The following GRID2 variants were observed in gnomAD, a reference collection of about 807,000 sequenced individuals.
The protein encoded by GRID2 is glutamate ionotropic receptor delta type subunit 2.
GRID2 carries 33 observed loss-of-function variants against 114.8 expected under a neutral mutation model. The ratio of observed to expected loss-of-function variants is 0.29; its 90% CI spans 0.22 to 0.38. The LOEUF is 0.38. Among genes scored for constraint, GRID2 ranks in the 10% least tolerant of loss-of-function variants. GRID2 has a pLI of 1.00. For synonymous variants in GRID2, 505 were observed against 449.9 expected, an observed-to-expected ratio of 1.12 and a Z score of -1.55; for missense variants, 1,184 against 1,257.7, an observed-to-expected ratio of 0.94 and a Z score of 0.89.
chr4:93,245,730 G>T (rs143192928), intron 8 of GRID2, among the ~76,000 whole-genome samples: 2 of 152,130 alleles, frequency 1.3e-5, no homozygotes, highest in Non-Finnish European at 2.9e-5. Flanking sequence ...AGCAAATTGA[G>T]TTTCAAGTTC....
At chr4:92,326,028 C>G (rs546926680) in intron 1 of GRID2, among the ~76,000 whole-genome samples, 1 of 151,592 alleles carries the variant, frequency 6.6e-6, no homozygotes, top group Admixed American at 6.6e-5. Context: ...GAAAAGTATG[C>G]TTACATGAAA....
Position 93,772,398 on chromosome 4 carries a change from T to C in GRID2, c.2924T>C (p.Phe975Ser), listed in dbSNP as rs1316791081. 1 of 1,613,836 alleles carries C rather than the reference T, an allele frequency of 6.2e-7. No individual in the cohort carries two copies. Among genetic ancestry groups the C allele is most frequent in the Non-Finnish European group, 8.5e-7 (1 of 1,179,890 alleles). Residue 975 changes from phenylalanine to serine, a missense_variant, in exon 16 of 16, where the codon TTC becomes TCC. By Grantham distance (155) the Phe-to-Ser change is radical. Transcript: ENST00000282020. ...CACAGGGCACCTAATGGGGGCTTTTTCAGGAGTCCTATAAAAACAATGTCA... is the reference window on the plus strand; with the variant it reads ...CACAGGGCACCTAATGGGGGCTTTTCCAGGAGTCCTATAAAAACAATGTCA... ...FRHRAPNGGF[F>S]RSPIKTMSSI...
At chr4:92,472,940 G>A (rs1722115363) in intron 1 of GRID2, among the ~76,000 whole-genome samples, 1 of 151,750 alleles carries the variant, frequency 6.6e-6, no homozygotes, top group African/African-American at 2.4e-5. Context: ...TTTTTTATGG[G>A]CTTTTATTTT....
At chr4:93,523,443 TA>T (rs1259070305) in intron 13 of GRID2, among the ~76,000 whole-genome samples, 3 of 151,994 alleles carry the variant, frequency 2.0e-5, no homozygotes, top group Non-Finnish European at 4.4e-5. Flanking sequence ...CTGCTGATAA[TA>T]AAGTTTCATA....
At chr4:93,717,928 G>A (rs1323048203) in intron 14 of GRID2, among the ~76,000 whole-genome samples, 6 of 152,138 alleles carry the variant, frequency 3.9e-5, no homozygotes, top group Non-Finnish European at 7.4e-5. Flanking sequence ...GCAAGTGAGT[G>A]TAATACAGGA....
chr4:92,910,906 A>G (rs183844376), intron 2 of GRID2, among the ~76,000 whole-genome samples: 2 of 151,304 alleles, frequency 1.3e-5, no homozygotes, highest in East Asian at 3.9e-4. Flanking sequence ...ACACAATTAA[A>G]AAAATATTTT....
intron 12 of GRID2, among the ~76,000 whole-genome samples, chr4:93,493,069 G>A (rs1374451252): frequency 1.3e-5 from 2 of 151,730 alleles, no homozygotes; most frequent in Non-Finnish European, 2.9e-5. Context: ...TGTTGCAAAT[G>A]GCAAATAGCA....
chr4:92,433,614 G>A (rs12641104), intron 1 of GRID2, among the ~76,000 whole-genome samples: 22,434 of 152,058 alleles, frequency 0.15, 1,841 homozygotes, highest in Middle Eastern at 0.21. Flanking sequence ...GGGAGGGGTG[G>A]CATTAGCAAT....
intron 13 of GRID2, among the ~76,000 whole-genome samples, chr4:93,623,013 C>G (rs1742352496): frequency 6.6e-6 from 1 of 151,946 alleles, no homozygotes; most frequent in African/African-American, 2.4e-5. Context: ...ACATAGTGCT[C>G]TAATATTGAC....
At chr4:92,918,608 T>A (rs564544026) in intron 2 of GRID2, among the ~76,000 whole-genome samples, 1 of 152,348 alleles carries the variant, frequency 6.6e-6, no homozygotes, top group African/African-American at 2.4e-5. Context: ...ATTGAGATAA[T>A]CATGTGGTTT....
rs560348156 is a variant in GRID2 at position 92,530,568 on chromosome 4, T to C, written c.89-59563T>C. 2.7e-5 allele frequency among the ~76,000 whole-genome samples: 4 copies of C among 148,246 alleles called. No individual in the cohort carries two copies. In the East Asian group the frequency reaches 8.0e-4, roughly 30 times the overall value. ...CGAGAATCAAATAAATTTTGTAGAA[T>C]TTGTCTGGGTCCTTATTTGTCCAAG... On this transcript the variant is annotated intron_variant, in intron 1 of 15. Transcript: ENST00000282020.
intron 1 of GRID2, among the ~76,000 whole-genome samples, chr4:92,517,226 A>G (rs1318508233): frequency 6.9e-6 from 1 of 144,574 alleles, no homozygotes; most frequent in East Asian, 1.9e-4. Flanking sequence ...TGTAGCAAAT[A>G]GTCCCAAAGG....
chr4:93,151,051 G>T (rs1177916492), intron 4 of GRID2, among the ~76,000 whole-genome samples: 30 of 146,858 alleles, frequency 2.0e-4, no homozygotes, highest in African/African-American at 7.3e-4. Flanking sequence ...ATGGACGTGG[G>T]ATGCGGAGGT....
intron 4 of GRID2, among the ~76,000 whole-genome samples, chr4:93,162,136 T>C (rs1476543873): frequency 1.3e-5 from 2 of 151,802 alleles, no homozygotes; most frequent in African/African-American, 4.8e-5. Flanking sequence ...AGGAAAGCCC[T>C]CCTTATTCTT....
chr4:93,734,070 G>T (rs2110232999), intron 14 of GRID2, among the ~76,000 whole-genome samples: 1 of 152,058 alleles, frequency 6.6e-6, no homozygotes, highest in East Asian at 1.9e-4. Flanking sequence ...GCTTCTTTCT[G>T]CTGGTAAACT....
intron 8 of GRID2, among the ~76,000 whole-genome samples, chr4:93,382,692 A>G (rs770879016): frequency 1.3e-5 from 2 of 151,928 alleles, no homozygotes; most frequent in Non-Finnish European, 2.9e-5. Flanking sequence ...GTTTTATTAC[A>G]GTTGTCCAGT....
Position 92,989,538 on chromosome 4 carries a change from C to G in GRID2, c.245-95457C>G, listed in dbSNP as rs983408420. On this transcript the variant is annotated intron_variant, in intron 2 of 15. Transcript: ENST00000282020. ...TTTGCATCCCAATAAAAAAAAGGTA[C>G]GATAGGTTTTAAGCTGTATAAGTGA... Among the ~76,000 whole-genome samples, 4 of 151,346 alleles carry G rather than the reference C, an allele frequency of 2.6e-5. No homozygotes were observed. In the South Asian group the frequency reaches 8.4e-4, roughly 32 times the overall value.
chr4:92,344,962 T>G (rs2110170664), intron 1 of GRID2, among the ~76,000 whole-genome samples: 1 of 152,334 alleles, frequency 6.6e-6, no homozygotes, highest in South Asian at 2.1e-4. Flanking sequence ...CAGTGATTTC[T>G]GAGAGACTTT....
chr4:92,312,989 A>G (rs1009377960), intron 1 of GRID2, among the ~76,000 whole-genome samples: 3 of 152,052 alleles, frequency 2.0e-5, no homozygotes, highest in African/African-American at 4.8e-5. Context: ...ATACTTGAAC[A>G]TGCATGTTTA....
Sources: gnomAD v4.1 joint callset for allele counts (sites outside exome capture counted in the v4.1 genomes callset) on GRCh38, gnomAD v4.1.1 for gene constraint, MANE v1.5 for transcripts, NCBI Gene and HGNC (gene_info 2026-07-23, HGNC 2026-07-21) for gene names.